Variants in AGL observed in about 807,000 individuals in gnomAD.
AGL encodes the protein amylo-alpha-1,6-glucosidase and 4-alpha-glucanotransferase.
A neutral mutation model predicts 199.3 loss-of-function variants in AGL; 128 were observed. That is an observed-to-expected ratio of 0.64 (90% CI 0.56 to 0.74). The LOEUF (loss-of-function observed/expected upper bound fraction) is 0.74. Among genes scored for constraint, AGL ranks in the 30% least tolerant of loss-of-function variants. The probability of loss-of-function intolerance (pLI) is 0.00; values close to 1 mark genes in which losing one functional copy is unlikely to be tolerated. For synonymous variants in AGL, 584 were observed against 594.7 expected (o/e 0.98, Z 0.26); for missense variants, 1,809 against 1,820.8 (o/e 0.99, Z 0.12).
Position 99,921,927 on chromosome 1 carries a change from AATC to A in AGL, c.*279_*281del. 4.1e-6 allele frequency: 1 copy of A among 246,522 alleles called. No homozygotes were observed. The highest frequency in any genetic ancestry group is 1.1e-4 in the South Asian group (1 of 8,698). 15.3% of individuals were successfully genotyped at this position (246,522 alleles called of 1,614,324 possible). ...AGAAATCCATAGTTTGGAAAAGAAA[AATC>A]ATGTCATCTTCTATTTGTACAGAAA... On this transcript the variant is annotated 3_prime_UTR_variant, in exon 34 of 34. Transcript: ENST00000361915.
At chr1:99,894,902 G>C (rs575203689) in intron 24 of AGL, among the ~76,000 whole-genome samples, 22 of 152,260 alleles carry the variant, frequency 1.4e-4, no homozygotes, top group Admixed American at 9.2e-4. Context: ...TTCCTACTGG[G>C]AAGATATATG....
At chr1:99,875,575 A>G in intron 10 of AGL, 120 bp downstream of exon 10, 1 of 910,430 alleles carries the variant, frequency 1.1e-6, no homozygotes, top group Non-Finnish European at 1.7e-6. Flanking sequence ...TTAAATTGAA[A>G]TAGAAGTTTT....
chr1:99,881,539 A>G lies in AGL; in HGVS notation c.2158-2A>G, dbSNP rs878959417. ...AATCTAGTTGTTCTTTCTGCTTCTC[A>G]GGTGTATGTGGATCAAGTTGATGAA... On this transcript the variant is annotated splice_acceptor_variant, in intron 16 of 33. Coordinates refer to ENST00000361915, the MANE Select transcript of AGL (RefSeq NM_000642.3). LOFTEE classifies it high-confidence loss of function. 1 of 1,613,954 alleles carries G rather than the reference A, an allele frequency of 6.2e-7. No homozygotes were observed. Among genetic ancestry groups the G allele is most frequent in the Non-Finnish European group, 8.5e-7 (1 of 1,179,932 alleles).
chr1:99,892,678 G>A, intron 24 of AGL, 71 bp downstream of exon 24: 1 of 1,480,266 alleles, frequency 6.8e-7, no homozygotes. Context: ...ATAGGAAAAT[G>A]ATTATTTTTT....
intron 30 of AGL, 101 bp from the exon 31 acceptor site, chr1:99,915,288 T>C (rs1655028229): frequency 1.0e-6 from 1 of 972,640 alleles, no homozygotes; most frequent in Non-Finnish European, 1.6e-6. Flanking sequence ...CCTCATGGTA[T>C]TTTAAGTAAT....
At chr1:99,883,024 C>T (rs1268741140) in intron 17 of AGL, among the ~76,000 whole-genome samples, 1 of 152,088 alleles carries the variant, frequency 6.6e-6, no homozygotes, top group Non-Finnish European at 1.5e-5. Context: ...TTGTTTTGGT[C>T]ACAGATCATT....
chr1:99,876,552 G>A lies in AGL; in HGVS notation c.1378G>A (p.Gly460Arg), dbSNP rs756728210. ...NKACFLMAHN[G>R]WVMGDDPLRN... The stretch of plus-strand genomic sequence containing the variant: ...AGCTTGTTTTCTGATGGCACACAAT[G>A]GATGGGTAATGGGAGATGATCCTCT... Residue 460 changes from glycine to arginine, a missense_variant, in exon 11 of 34, where the codon GGA becomes AGA. Physicochemically the swap from Gly to Arg is moderately radical, Grantham distance 125. Transcript: ENST00000361915. The A allele has an allele frequency of 1.2e-6, 2 of 1,613,978 alleles. No individual in the cohort carries two copies.
rs1233797859 is a variant in AGL, at chr1:99,896,385, C to G, written c.3359C>G (p.Ala1120Gly). The change falls in exon 25 of 34, where the codon GCC becomes GGC. Residue 1120 changes from alanine to glycine, a missense_variant. By Grantham distance (60) the Ala-to-Gly change is moderately conservative. Transcript: ENST00000361915. ...ILLITGRYVEARNIILAFAGT... is the reference protein window; with the variant it reads ...ILLITGRYVEGRNIILAFAGT... ...CTGATTACTGGACGCTATGTAGAAG[C>G]CAGGTAGGAGAGCCTCTAAAGTGTT... 1.9e-6 allele frequency: 3 copies of G among 1,610,078 alleles called. No individual in the cohort carries two copies. The African/African-American group carries it at 4.0e-5, about 21-fold the overall frequency.
chr1:99,856,107 A>G (rs990462586), intron 2 of AGL, among the ~76,000 whole-genome samples: 1 of 152,238 alleles, frequency 6.6e-6, no homozygotes, highest in African/African-American at 2.4e-5. Flanking sequence ...ATGTACTGCT[A>G]TGACCTCAGC....
rs781573434 is a variant in AGL at position 99,884,411 on chromosome 1, G to A, written c.2506G>A (p.Glu836Lys). Reference protein sequence around the residue: ...KGPNEYIQEIEFENLSPGSVI... With the variant: ...KGPNEYIQEIKFENLSPGSVI... ...GCCCAATGAATATATTCAAGAAATA[G>A]AATTTGAAAACTTGTCTCCAGGAAG... The change falls in exon 19 of 34, where the codon GAA becomes AAA. Residue 836 changes from glutamate (E) to lysine (K), a missense_variant. Glu to Lys is a moderately conservative substitution (Grantham distance 56). Transcript: ENST00000361915. 11 of 1,612,798 alleles carry A rather than the reference G, an allele frequency of 6.8e-6. No individual in the cohort carries two copies. Among genetic ancestry groups the A allele is most frequent in the East Asian group, 6.7e-5 (3 of 44,772 alleles).
intron 17 of AGL, among the ~76,000 whole-genome samples, chr1:99,883,077 T>G (rs1283759582): frequency 6.6e-6 from 1 of 152,208 alleles, no homozygotes; most frequent in Non-Finnish European, 1.5e-5. Flanking sequence ...GTGATTTTTA[T>G]TTTGTTAAAT....
chr1:99,860,527 C>T (rs1434598203), intron 2 of AGL, among the ~76,000 whole-genome samples: 2 of 152,080 alleles, frequency 1.3e-5, no homozygotes, highest in Non-Finnish European at 2.9e-5. Context: ...ATGTTTCTTT[C>T]ACAGTACAGT....
intron 33 of AGL, among the ~76,000 whole-genome samples, chr1:99,918,296 T>G (rs1655279384): frequency 6.6e-6 from 1 of 152,186 alleles, no homozygotes. Flanking sequence ...CGTTGTAGTT[T>G]TCATTTCTCA....
At chr1:99,873,089 TATC>T (rs1172014845) in intron 7 of AGL, among the ~76,000 whole-genome samples, 1 of 152,158 alleles carries the variant, frequency 6.6e-6, no homozygotes, top group African/African-American at 2.4e-5. Flanking sequence ...TCCAATTTCA[TATC>T]ATGCTTAGAA....
At position 99,877,665 on chromosome 1, in the gene AGL, A is replaced by G; in HGVS notation, c.1448A>G (p.Glu483Gly). The G allele has an allele frequency of 6.2e-7, 1 of 1,613,968 alleles. No homozygotes were observed. Among genetic ancestry groups the G allele is most frequent in the South Asian group, 1.1e-5 (1 of 91,078 alleles). The change falls in exon 12 of 34, where the codon GAA (glutamate) becomes GGA (glycine). Residue 483 changes from glutamate (E) to glycine (G), a missense_variant. Glu to Gly is a moderately conservative substitution (Grantham distance 98). Coordinates refer to ENST00000361915, the MANE Select transcript of AGL (RefSeq NM_000642.3). Reference protein sequence around the residue: ...EPGSEVYLRRELICWGDSVKL... With the variant: ...EPGSEVYLRRGLICWGDSVKL... The stretch of plus-strand genomic sequence containing the variant: ...GGTTCAGAAGTTTACCTAAGGAGAG[A>G]ACTTATTTGCTGGGGAGACAGTGTT...
intron 5 of AGL, among the ~76,000 whole-genome samples, chr1:99,868,747 A>G (rs1650743308): frequency 6.6e-6 from 1 of 150,742 alleles, no homozygotes; most frequent in Non-Finnish European, 1.5e-5. Flanking sequence ...GCACCACTGC[A>G]CTCCTGCACT....
At position 99,870,563 on chromosome 1, in the gene AGL, A is replaced by C. The variant is rs1336112019; in HGVS notation, c.828A>C (p.Glu276Asp). The C allele has an allele frequency of 6.2e-7, 1 of 1,613,956 alleles. No homozygotes were observed. The change falls in exon 6 of 34, where the codon GAA (glutamate) becomes GAC (aspartate). Residue 276 changes from glutamate to aspartate, a missense_variant. Coordinates refer to ENST00000361915, the MANE Select transcript of AGL (RefSeq NM_000642.3). ...AAAAGGGAATACCTGCTTTGATTGA[A>C]AATGATCACCATATGAATGTCAGTA... ...YKEKGIPALI[E>D]NDHHMNSIRK...
At chr1:99,892,329 T>C (rs1423273607) in intron 23 of AGL, 103 bp from the exon 24 acceptor site, 1 of 1,049,976 alleles carries the variant, frequency 9.5e-7, no homozygotes, top group Admixed American at 2.1e-5. Flanking sequence ...ACTATTGTTA[T>C]AGATTTGTAT....
At chr1:99,901,768 G>A (rs1653858690) in intron 26 of AGL, among the ~76,000 whole-genome samples, 1 of 151,148 alleles carries the variant, frequency 6.6e-6, no homozygotes, top group South Asian at 2.1e-4. Flanking sequence ...GATTGGGGGG[G>A]CTGGGAGGGG....
Sources: allele counts gnomAD v4.1 joint callset (sites outside exome capture counted in the v4.1 genomes callset), GRCh38; gene constraint gnomAD v4.1.1; transcripts MANE v1.5; gene names NCBI Gene and HGNC (gene_info 2026-07-23, HGNC 2026-07-21).